Variants in TPR observed in about 807,000 individuals in gnomAD.
TPR encodes the protein translocated promoter region, nuclear basket protein.
A neutral mutation model predicts 316.1 loss-of-function variants in TPR; 51 were observed. The ratio of observed to expected loss-of-function variants is 0.16; its 90% CI spans 0.13 to 0.20. The LOEUF (loss-of-function observed/expected upper bound fraction) is 0.20, where lower values mean the gene tolerates loss of function less well. Among genes scored for constraint, TPR ranks in the 10% least tolerant of loss-of-function variants. The pLI is 1.00. For missense variants in TPR, 2,272 were observed against 2,754.8 expected, an observed-to-expected ratio of 0.82 and a Z score of 3.92; for synonymous variants, 981 against 914.7, an observed-to-expected ratio of 1.07 and a Z score of -1.31.
At chr1:186,334,137 A>C (rs993849237) in intron 36 of TPR, among the ~76,000 whole-genome samples, 188 bp downstream of exon 36, 10 of 152,194 alleles carry the variant, frequency 6.6e-5, no homozygotes, top group African/African-American at 2.2e-4. Flanking sequence ...AGTGGATTTC[A>C]TATATTCTTT....
At chr1:186,332,560 G>A (rs1658198040) in intron 37 of TPR, among the ~76,000 whole-genome samples, 1 of 152,096 alleles carries the variant, frequency 6.6e-6, no homozygotes. Context: ...TATGCTCTGA[G>A]TCAATGTTTT....
Position 186,323,698 on chromosome 1 carries a change from T to C in TPR, c.6285A>G (p.Gly2095=), listed in dbSNP as rs773243265. 6.7e-7 allele frequency: 1 copy of C among 1,498,296 alleles called. No individual in the cohort carries two copies. Among genetic ancestry groups the C allele is most frequent in the South Asian group, 1.4e-5 (1 of 71,406 alleles). 92.8% of individuals were successfully genotyped at this position (1,498,296 alleles called of 1,614,324 possible). Residue 2095 remains glycine, a synonymous_variant, in exon 43 of 51, where the codon GGA becomes GGG. Transcript: ENST00000367478. ...GTACTTTTAATACCTGAACTGGTGG[T>C]CCCAACTCCTGAGGTGGGGCATGAA... The part of the protein sequence containing the change: ...LTIHAPPQEL[G]PPVQRIQMTR...
intron 14 of TPR, 68 bp from the exon 15 acceptor site, chr1:186,356,517 A>G (rs1659032759): frequency 7.0e-7 from 1 of 1,422,738 alleles, no homozygotes; most frequent in Admixed American, 2.2e-5. Flanking sequence ...TTCTACTGTA[A>G]TTAACCAAGC....
chr1:186,356,196 T>C lies in TPR; in HGVS notation c.1888+90A>G, dbSNP rs1196557011. 5.2e-6 allele frequency: 6 copies of C among 1,163,234 alleles called. No homozygotes were observed. The East Asian group carries it at 1.3e-4, about 25-fold the overall frequency. 72.1% of individuals were successfully genotyped at this position (1,163,234 alleles called of 1,614,324 possible). On this transcript the variant is annotated intron_variant, in intron 15 of 50. Coordinates refer to ENST00000367478, the MANE Select transcript of TPR (RefSeq NM_003292.3). ...ATGGTAGTCAAATTTGAAGCTACCA[T>C]CATTAGAGTGGCTATTGCTTATGTT...
At chr1:186,342,488 C>G (rs1177313615) in intron 27 of TPR, 1 of 152,192 alleles carries the variant, frequency 6.6e-6, no homozygotes, top group East Asian at 1.9e-4. Context: ...CAAGTATTAA[C>G]TCTATTGAAC....
chr1:186,365,077 G>GGGGC lies in TPR; in HGVS notation c.428-1633_428-1632insGCCC. On this transcript the variant is annotated intron_variant, in intron 4 of 50. Transcript: ENST00000367478. ...CATGCTTTGTCCCTAAAGTCAGAAA[G>GGGGC]TACCTTGCTAGTAAAGGGGCTGCCC... 2.0e-5 allele frequency among the ~76,000 whole-genome samples: 3 copies of GGGGC among 148,604 alleles called. 1 individual carries two copies. Among genetic ancestry groups the GGGGC allele is most frequent in the Admixed American group, 6.7e-5 (1 of 14,870 alleles).
chr1:186,333,109 A>C lies in TPR; in HGVS notation c.5455+13T>G. The C allele has an allele frequency of 6.2e-7, 1 of 1,611,464 alleles. No individual in the cohort carries two copies. The highest frequency in any genetic ancestry group is 8.5e-7 in the Non-Finnish European group (1 of 1,178,482). On this transcript the variant is annotated intron_variant, in intron 37 of 50. Coordinates refer to ENST00000367478, the MANE Select transcript of TPR (RefSeq NM_003292.3). ...ATAGGTCTACTCTGACTTCATTTTAAAATTAATTTTACCTGTGCCAAATAC... is the reference window on the plus strand; with the variant it reads ...ATAGGTCTACTCTGACTTCATTTTACAATTAATTTTACCTGTGCCAAATAC...
chr1:186,367,344 C>T (rs968824700), intron 4 of TPR, among the ~76,000 whole-genome samples: 11 of 152,078 alleles, frequency 7.2e-5, no homozygotes, highest in African/African-American at 1.7e-4. Context: ...GGATTACAGG[C>T]GTCAGCCACC....
intron 4 of TPR, among the ~76,000 whole-genome samples, chr1:186,365,814 A>G (rs1659326867): frequency 6.6e-6 from 1 of 152,222 alleles, no homozygotes; most frequent in Non-Finnish European, 1.5e-5. Context: ...GATATGGCAA[A>G]AAAAGTGGGA....
At chr1:186,361,951 T>C in intron 7 of TPR, 82 bp from the exon 8 acceptor site, 1 of 1,417,512 alleles carries the variant, frequency 7.1e-7, no homozygotes, top group South Asian at 1.3e-5. Flanking sequence ...AAAAATTCCA[T>C]TTTTGTAAAG....
At chr1:186,322,234 A>T in intron 45 of TPR, 84 bp downstream of exon 45, 1 of 1,313,470 alleles carries the variant, frequency 7.6e-7, no homozygotes, top group Non-Finnish European at 1.1e-6. Flanking sequence ...ACAAACAATG[A>T]GTTAACCAAA....
chr1:186,338,383 G>A (rs1658403072), intron 30 of TPR, 140 bp from the exon 31 acceptor site: 1 of 661,538 alleles, frequency 1.5e-6, no homozygotes, highest in East Asian at 2.9e-5. Flanking sequence ...TACTTCAAAG[G>A]TAAGACCTTA....
rs769771632 is a variant in TPR at position 186,327,627 on chromosome 1, C to T, written c.5722G>A (p.Asp1908Asn). ...AGAGACTGAGAGGTTTCTTCACTGT[C>T]TTCCATAGGTGTATAATCTCCCTGG... ...VTQGDYTPME[D>N]SEETSQSLQI... The change falls in exon 40 of 51, where the codon GAC (aspartate) becomes AAC (asparagine). Residue 1908 changes from aspartate (D) to asparagine (N), a missense_variant. By Grantham distance (23) the Asp-to-Asn change is conservative (BLOSUM62 1). Around this residue, in one of 10 missense-constraint regions of TPR, gnomAD observed 435 missense variants for 461.1 expected, o/e 0.94. Coordinates refer to ENST00000367478, the MANE Select transcript of TPR (RefSeq NM_003292.3). 1 of 1,613,114 alleles carries T rather than the reference C, an allele frequency of 6.2e-7. No individual in the cohort carries two copies. The highest frequency in any genetic ancestry group is 1.7e-5 in the Admixed American group (1 of 59,828).
intron 41 of TPR, 113 bp downstream of exon 41, chr1:186,325,991 A>G (rs1657920308): frequency 1.3e-6 from 2 of 1,561,388 alleles, no homozygotes; most frequent in South Asian, 1.2e-5. Context: ...CAAATGAACA[A>G]AACAACCAAA....
Position 186,351,520 on chromosome 1 carries a change from A to G in TPR, c.2470-50T>C, listed in dbSNP as rs1316377415. 3 of 1,493,994 alleles carry G rather than the reference A, an allele frequency of 2.0e-6. No homozygotes were observed. The South Asian group carries it at 4.4e-5, about 22-fold the overall frequency. The allele number at this position is 1,493,994 out of a possible 1,614,324, so 92.5% of individuals were successfully genotyped here. On this transcript the variant is annotated intron_variant, in intron 19 of 50. Coordinates refer to ENST00000367478, the MANE Select transcript of TPR (RefSeq NM_003292.3). ...TTATGCTTAAGAAAAAGGCAATACAAAAAAATAAAAATTGAAGGCAAGAAA... is the reference window on the plus strand; with the variant it reads ...TTATGCTTAAGAAAAAGGCAATACAGAAAAATAAAAATTGAAGGCAAGAAA...
intron 42 of TPR, among the ~76,000 whole-genome samples, chr1:186,324,536 T>TTAA (rs1316791536): frequency 6.6e-6 from 1 of 152,194 alleles, no homozygotes; most frequent in Non-Finnish European, 1.5e-5. Context: ...ATTTCATAGT[T>TTAA]TAAAAGTCTG....
At chr1:186,368,662 T>C (rs896278590) in intron 3 of TPR, among the ~76,000 whole-genome samples, 6 of 152,214 alleles carry the variant, frequency 3.9e-5, no homozygotes, top group Non-Finnish European at 8.8e-5. Context: ...GCAATCTACA[T>C]GTTTTTGAGT....
chr1:186,326,254 G>A lies in TPR; in HGVS notation c.5890-19C>T, dbSNP rs777602757. 7 of 1,591,056 alleles carry A rather than the reference G, an allele frequency of 4.4e-6. No individual in the cohort carries two copies. The East Asian group carries it at 1.4e-4, about 32-fold the overall frequency. On this transcript the variant is annotated intron_variant, in intron 40 of 50. Coordinates refer to ENST00000367478, the MANE Select transcript of TPR (RefSeq NM_003292.3). ...CATAATCCTAGTAGAAAGTTCCCCAGGCATAAATAAAAGTTTAGAATATGG... is the reference window on the plus strand; with the variant it reads ...CATAATCCTAGTAGAAAGTTCCCCAAGCATAAATAAAAGTTTAGAATATGG...
At chr1:186,357,288 T>C in intron 14 of TPR, 109 bp downstream of exon 14, 1 of 1,018,308 alleles carries the variant, frequency 9.8e-7, no homozygotes, top group Non-Finnish European at 1.5e-6. Flanking sequence ...GCTCAAATGA[T>C]ACCCCATTTA....
Sources: gnomAD v4.1 joint callset for allele counts (sites outside exome capture counted in the v4.1 genomes callset) on GRCh38, gnomAD v4.1.1 for gene constraint, gnomAD v4.1.1 regional missense constraint, MANE v1.5 for transcripts, NCBI Gene and HGNC (gene_info 2026-07-23, HGNC 2026-07-21) for gene names.